The following MAGI2 variants were observed in gnomAD, a reference collection of about 807,000 sequenced individuals.
MAGI2 encodes membrane associated guanylate kinase, WW and PDZ domain containing 2, also known as membrane-associated guanylate kinase, WW and PDZ domain-containing protein 2.
In MAGI2, 35 loss-of-function variants were observed where a neutral mutation model predicts 133.3. The ratio of observed to expected loss-of-function variants is 0.26; its 90% CI spans 0.20 to 0.35. The LOEUF (loss-of-function observed/expected upper bound fraction) is 0.35. Ranked by LOEUF, MAGI2 falls within the 10% of genes least tolerant of loss-of-function variation. The pLI, the probability that MAGI2 is intolerant of heterozygous loss-of-function variation, is 1.00. For synonymous variants in MAGI2, 729 were observed against 710.6 expected, an observed-to-expected ratio of 1.03 and a Z score of -0.41; for missense variants, 1,636 against 1,863.4, an observed-to-expected ratio of 0.88 and a Z score of 2.25.
intron 1 of MAGI2, among the ~76,000 whole-genome samples, chr7:79,153,648 T>C (rs1300743553): frequency 1.3e-5 from 2 of 152,158 alleles, no homozygotes; most frequent in Admixed American, 1.3e-4. Flanking sequence ...AAAGTATGGC[T>C]AGGAGTGAGG....
chr7:78,301,814 G>A (rs1034451567), intron 9 of MAGI2, among the ~76,000 whole-genome samples: 2 of 152,074 alleles, frequency 1.3e-5, no homozygotes, highest in African/African-American at 4.8e-5. Flanking sequence ...TTAAGATCAG[G>A]GGTTCCAGAG....
intron 6 of MAGI2, among the ~76,000 whole-genome samples, chr7:78,467,914 C>CA (rs961622648): frequency 5.3e-5 from 8 of 151,854 alleles, no homozygotes; most frequent in Admixed American, 1.3e-4. Flanking sequence ...CTTTTTTATG[C>CA]AAAAAACATA....
chr7:78,079,966 C>T lies in MAGI2; in HGVS notation c.3568-881G>A, dbSNP rs574096354. ...AAGTAACATAAGACAAATTAACCAG[C>T]AAAAGCACAACGAGTTGCTTTGCAA... On this transcript the variant is annotated intron_variant, in intron 20 of 21. Coordinates refer to ENST00000354212, the MANE Select transcript of MAGI2 (RefSeq NM_012301.4). Among the ~76,000 whole-genome samples the T allele has an allele frequency of 9.1e-4, 139 of 152,326 alleles. 1 individual carries two copies. In the South Asian group the frequency reaches 0.014, roughly 16 times the overall value.
chr7:78,053,783 C>T (rs1007796507), intron 21 of MAGI2, among the ~76,000 whole-genome samples: 2 of 152,050 alleles, frequency 1.3e-5, no homozygotes, highest in African/African-American at 4.8e-5. Flanking sequence ...GACAAAAACG[C>T]GAAGTGAGAA....
At chr7:79,342,498 A>T (rs1004436778) in intron 1 of MAGI2, among the ~76,000 whole-genome samples, 2 of 152,190 alleles carry the variant, frequency 1.3e-5, no homozygotes, top group Non-Finnish European at 2.9e-5. Flanking sequence ...TCTCTGTAAA[A>T]TGATTTAGAT....
At chr7:78,606,372 G>T (rs950141859) in intron 3 of MAGI2, among the ~76,000 whole-genome samples, 2 of 152,050 alleles carry the variant, frequency 1.3e-5, no homozygotes, top group African/African-American at 4.8e-5. Flanking sequence ...AGGCCTCTTT[G>T]CATATGATGG....
intron 21 of MAGI2, among the ~76,000 whole-genome samples, chr7:78,064,495 T>G (rs1187458603): frequency 6.6e-6 from 1 of 152,192 alleles, no homozygotes; most frequent in African/African-American, 2.4e-5. Context: ...ATTAGCAGGG[T>G]CATTAACAAT....
At chr7:79,126,803 T>G (rs1820447274) in intron 1 of MAGI2, among the ~76,000 whole-genome samples, 1 of 151,492 alleles carries the variant, frequency 6.6e-6, no homozygotes, top group Admixed American at 6.6e-5. Flanking sequence ...TTAAATAATT[T>G]ATTATTATTA....
At chr7:78,205,661 G>T (rs1829664095) in intron 10 of MAGI2, among the ~76,000 whole-genome samples, 1 of 151,852 alleles carries the variant, frequency 6.6e-6, no homozygotes, top group African/African-American at 2.4e-5. Context: ...AATTTAATTA[G>T]GAATTCTATA....
intron 1 of MAGI2, among the ~76,000 whole-genome samples, chr7:79,181,064 T>C (rs1018963952): frequency 2.6e-5 from 4 of 151,936 alleles, no homozygotes; most frequent in Admixed American, 6.6e-5. Flanking sequence ...GCTGCTTTCA[T>C]GGTCTGGCAT....
At chr7:78,021,782 G>T (rs1437805362) in intron 21 of MAGI2, among the ~76,000 whole-genome samples, 1 of 152,154 alleles carries the variant, frequency 6.6e-6, no homozygotes, top group Non-Finnish European at 1.5e-5. Flanking sequence ...TACTGGTGAC[G>T]TGATTTTGGA....
chr7:78,575,196 A>C (rs1802140581), intron 3 of MAGI2, among the ~76,000 whole-genome samples: 1 of 152,188 alleles, frequency 6.6e-6, no homozygotes, highest in Admixed American at 6.5e-5. Flanking sequence ...ATTAACTATC[A>C]CTATCATTCC....
At position 78,515,471 on chromosome 7, in the gene MAGI2, T is replaced by C. The variant is rs1006643731; in HGVS notation, c.754+5959A>G. ...TAGTGTAAAATGAGCATGAAAGGAA[T>C]GTAATCAGTTGATACAGTAAAACTG... On this transcript the variant is annotated intron_variant, in intron 4 of 21. Coordinates refer to ENST00000354212, the MANE Select transcript of MAGI2 (RefSeq NM_012301.4). Among the ~76,000 whole-genome samples the C allele has an allele frequency of 1.3e-5, 2 of 152,258 alleles. 1 individual carries two copies. Among genetic ancestry groups the C allele is most frequent in the Admixed American group, 1.3e-4 (2 of 15,292 alleles).
At chr7:78,762,031 AATTTTCT>A in intron 2 of MAGI2, among the ~76,000 whole-genome samples, 1 of 151,800 alleles carries the variant, frequency 6.6e-6, no homozygotes, top group Non-Finnish European at 1.5e-5. Flanking sequence ...TATTTAGCCC[AATTTTCT>A]TTCATTGCTC....
rs147661780 is a variant in MAGI2 at position 78,980,410 on chromosome 7, T to C, written c.418+26680A>G. Among the ~76,000 whole-genome samples the C allele has an allele frequency of 4.1e-3, 616 of 151,988 alleles. 8 individuals carry two copies. Among genetic ancestry groups the C allele is most frequent in the African/African-American group, 0.014 (584 of 41,526 alleles). ...TATGAAATTAAAACTAAGTGACTTT[T>C]TGTGGTACAGAGCACGTACTTGGCC... On this transcript the variant is annotated intron_variant, in intron 2 of 21. Coordinates refer to ENST00000354212, the MANE Select transcript of MAGI2 (RefSeq NM_012301.4).
intron 7 of MAGI2, among the ~76,000 whole-genome samples, chr7:78,366,256 C>A (rs1326091580): frequency 6.6e-6 from 1 of 151,984 alleles, no homozygotes; most frequent in East Asian, 1.9e-4. Flanking sequence ...AATATAATTC[C>A]TTAAGATATT....
At chr7:78,957,079 C>G (rs1802439394) in intron 2 of MAGI2, among the ~76,000 whole-genome samples, 1 of 151,930 alleles carries the variant, frequency 6.6e-6, no homozygotes, top group East Asian at 1.9e-4. Flanking sequence ...GCCTGACCAA[C>G]AGGGTGAAAC....
intron 2 of MAGI2, among the ~76,000 whole-genome samples, chr7:78,736,052 T>C (rs577998118): frequency 6.6e-6 from 1 of 152,254 alleles, no homozygotes; most frequent in East Asian, 1.9e-4. Flanking sequence ...GAAGAAGACG[T>C]GAAATATTAT....
At chr7:79,002,910 GTTT>G (rs772869062) in intron 2 of MAGI2, among the ~76,000 whole-genome samples, 16 of 129,290 alleles carry the variant, frequency 1.2e-4, no homozygotes, top group African/African-American at 4.5e-4. Context: ...TTGTTTGCTT[GTTT>G]TTTTTTTTTT....
Sources: gnomAD v4.1 joint callset for allele counts (sites outside exome capture counted in the v4.1 genomes callset) on GRCh38, gnomAD v4.1.1 for gene constraint, MANE v1.5 for transcripts, NCBI Gene and HGNC (gene_info 2026-07-23, HGNC 2026-07-21) for gene names.